TRMT2A: variants seen among roughly 807,000 people sequenced by gnomAD.
TRMT2A encodes tRNA (uracil-5-)-methyltransferase homolog A.
TRMT2A carries 60 observed loss-of-function variants against 59.3 expected under a neutral mutation model. That is an observed-to-expected ratio of 1.01 (90% CI 0.82 to 1.26). The LOEUF (loss-of-function observed/expected upper bound fraction) is 1.26, where lower values mean the gene tolerates loss of function less well. Among genes scored for constraint, TRMT2A ranks in the 50% most tolerant of loss-of-function variants. The pLI, the probability that TRMT2A is intolerant of heterozygous loss-of-function variation, is 0.00. For synonymous variants in TRMT2A, 403 were observed against 353.7 expected (o/e 1.14, Z -1.56); for missense variants, 863 against 845.2 (o/e 1.02, Z -0.26).
intron 1 of TRMT2A, 28 bp downstream of exon 1, chr22:20,116,855 C>T: frequency 6.3e-7 from 1 of 1,575,284 alleles, no homozygotes; most frequent in Non-Finnish European, 8.7e-7. Flanking sequence ...CCATCCCCGT[C>T]TCTACCCAGC....
intron 8 of TRMT2A, 61 bp downstream of exon 8, chr22:20,113,625 T>TGGGGTCAATG: frequency 6.3e-7 from 1 of 1,593,706 alleles, no homozygotes; most frequent in South Asian, 1.1e-5. Flanking sequence ...GACTTTGAGC[T>TGGGGTCAATG]GGGGTCAATG....
In TRMT2A at chr22:20,116,464, C is replaced by T. The variant is rs546787316; in HGVS notation, c.173G>A (p.Gly58Glu). The T allele has an allele frequency of 1.2e-6, 2 of 1,612,906 alleles. No individual in the cohort carries two copies. Among genetic ancestry groups the T allele is most frequent in the East Asian group, 2.2e-5 (1 of 44,880 alleles). The stretch of plus-strand genomic sequence containing the variant: ...GTCATCCCTGATGTAGCTGTAGAGC[C>T]CGGGCTGAGGCCCCGGCCCTGTAGC... ...GAATGPGPQP[G>E]LYSYIRDDLF... Residue 58 changes from glycine (G) to glutamate (E), a missense_variant, in exon 2 of 12, where the codon GGG becomes GAG. Gly to Glu is a moderately conservative substitution (Grantham distance 98, BLOSUM62 -2). Coordinates refer to ENST00000252136, the MANE Select transcript of TRMT2A (RefSeq NM_022727.6).
Position 20,113,775 on chromosome 22 carries a change from C to CT in TRMT2A, c.1266dup (p.Val423SerfsTer56). The CT allele has an allele frequency of 6.2e-7, 1 of 1,603,258 alleles. No individual in the cohort carries two copies. The highest frequency in any genetic ancestry group is 8.5e-7 in the Non-Finnish European group (1 of 1,174,112). ...TCCAATTGGGCCCAGTCCTGGATGA[C>CT]TGTGTAGAGCACCTCGGCTGCGGGT... On this transcript the variant is annotated frameshift_variant, in exon 8 of 12. Coordinates refer to ENST00000252136, the MANE Select transcript of TRMT2A (RefSeq NM_022727.6). LOFTEE classifies it high-confidence loss of function.
At position 20,116,908 on chromosome 22, in the gene TRMT2A, G is replaced by T. The variant is rs1048657704; in HGVS notation, c.-2C>A. ...CTCGTTGTCGAGGTTCTCACTCATC[G>T]CCCAGGCGGTTCTCCGCCTAGACCA... On this transcript the variant is annotated 5_prime_UTR_variant, in exon 1 of 12. Transcript: ENST00000252136. 14 of 1,597,500 alleles carry T rather than the reference G, an allele frequency of 8.8e-6. No individual in the cohort carries two copies. The highest frequency in any genetic ancestry group is 1.2e-5 in the Non-Finnish European group (14 of 1,173,134).
In TRMT2A at chr22:20,115,064, C is replaced by T. The variant is rs144859334; in HGVS notation, c.906G>A (p.Ser302=). 5.9e-5 allele frequency: 94 copies of T among 1,592,382 alleles called. No homozygotes were observed. The highest frequency in any genetic ancestry group is 8.0e-5 in the African/African-American group (6 of 74,784). ...CTGTGTACGTCTCTGGGTCGTATGCCGAGTATGGAGTGGACCTGTGGGAAT... is the reference window on the plus strand; with the variant it reads ...CTGTGTACGTCTCTGGGTCGTATGCTGAGTATGGAGTGGACCTGTGGGAAT... ...FQEFIRSTPY[S]AYDPETYTGH... is the part of the protein sequence containing the mutation. The change falls in exon 5 of 12, where the codon TCG becomes TCA. Residue 302 remains serine (S), a synonymous_variant. Coordinates refer to ENST00000252136, the MANE Select transcript of TRMT2A (RefSeq NM_022727.6).
Position 20,116,555 on chromosome 22 carries a change from TA to T in TRMT2A, c.81del (p.Thr28ProfsTer87). ...GGGGCTGCAGGGGGCACCGAGACGG[TA>T]GGGCAGCTCAGGGCACTGCTGCTCT... ...GQESSSALSCPTVSVPPAAPA... is the reference protein window; with the variant it reads ...GQESSSALSCXTVSVPPAAPA... On this transcript the variant is annotated frameshift_variant, in exon 2 of 12. Transcript: ENST00000252136. LOFTEE classifies it high-confidence loss of function. 6.3e-7 allele frequency: 1 copy of T among 1,592,086 alleles called. No individual in the cohort carries two copies.
chr22:20,112,823 T>G (rs770744394), intron 11 of TRMT2A, 29 bp from the exon 12 acceptor site: 25 of 1,612,582 alleles, frequency 1.6e-5, no homozygotes, highest in Non-Finnish European at 1.0e-5. Context: ...GGCGCTAAGG[T>G]CAGCCGATAG....
chr22:20,116,656 GGGGGCCT>G, intron 1 of TRMT2A, 44 bp from the exon 2 acceptor site: 1 of 1,509,608 alleles, frequency 6.6e-7, no homozygotes, highest in Non-Finnish European at 8.8e-7. Flanking sequence ...ACTAGGCCCT[GGGGGCCT>G]GGCCCCCCAA....
At position 20,113,412 on chromosome 22, in the gene TRMT2A, C is replaced by CCCCCCGCCCTG; in HGVS notation, c.1432+19_1432+20insCAGGGCGGGGG. 1 of 1,587,690 alleles carries CCCCCCGCCCTG rather than the reference C, an allele frequency of 6.3e-7. No individual in the cohort carries two copies. Among genetic ancestry groups the CCCCCCGCCCTG allele is most frequent in the Non-Finnish European group, 8.6e-7 (1 of 1,164,592 alleles). On this transcript the variant is annotated intron_variant, in intron 9 of 11. Coordinates refer to ENST00000252136, the MANE Select transcript of TRMT2A (RefSeq NM_022727.6). The stretch of plus-strand genomic sequence containing the variant: ...GCGGCTGCCCCCATCCCCACCCCCA[C>CCCCCCGCCCTG]CCACGGCCTTGCCACTCACCATTGT...
Position 20,112,689 on chromosome 22 carries a change from G to A in TRMT2A, c.1752C>T (p.Ile584=), listed in dbSNP as rs1211356834. ...TGGGGTGCTCCACCCTCTCAAACAG[G>A]ATGAGCATCTCACAGTGCGGGGTCT... ...FPQTPHCEML[I]LFERVEHPNG... The change falls in exon 12 of 12, where the codon ATC becomes ATT. Residue 584 remains isoleucine, a synonymous_variant. Transcript: ENST00000252136. 6.2e-7 allele frequency: 1 copy of A among 1,614,088 alleles called. No individual in the cohort carries two copies. The highest frequency in any genetic ancestry group is 1.1e-5 in the South Asian group (1 of 91,088).
intron 2 of TRMT2A, 24 bp from the exon 3 acceptor site, chr22:20,115,804 T>A (rs761425088): frequency 3.1e-6 from 5 of 1,592,404 alleles, no homozygotes; most frequent in South Asian, 1.1e-5. Flanking sequence ...AGATCGGTGG[T>A]TGGACTCCAC....
At position 20,116,349 on chromosome 22, in the gene TRMT2A, A is replaced by G; in HGVS notation, c.288T>C (p.Phe96=). ...GTTTGGTTTTGTGGGGCTGCAGACC[A>G]AAGCGGCCCAGGAAGCGCCGGACGT... ...FSDVRRFLGR[F]GLQPHKTKLF... Residue 96 remains phenylalanine, a synonymous_variant, in exon 2 of 12, where the codon TTT becomes TTC. Coordinates refer to ENST00000252136, the MANE Select transcript of TRMT2A (RefSeq NM_022727.6). 1 of 1,612,952 alleles carries G rather than the reference A, an allele frequency of 6.2e-7. No individual in the cohort carries two copies. The highest frequency in any genetic ancestry group is 1.3e-5 in the African/African-American group (1 of 75,074).
rs752310225 is a variant in TRMT2A at position 20,112,698 on chromosome 22, C to T, written c.1743G>A (p.Glu581=). ...VDLFPQTPHC[E]MLILFERVEH... ...CCACCCTCTCAAACAGGATGAGCAT[C>T]TCACAGTGCGGGGTCTGCGGGAACA... Residue 581 remains glutamate (E), a synonymous_variant, in exon 12 of 12, where the codon GAG becomes GAA. Coordinates refer to ENST00000252136, the MANE Select transcript of TRMT2A (RefSeq NM_022727.6). 3.6e-5 allele frequency: 58 copies of T among 1,613,938 alleles called. No individual in the cohort carries two copies. The highest frequency in any genetic ancestry group is 4.8e-5 in the Non-Finnish European group (57 of 1,180,036).
chr22:20,113,061 T>C (rs1344172541), intron 10 of TRMT2A, 54 bp from the exon 11 acceptor site: 9 of 1,609,794 alleles, frequency 5.6e-6, no homozygotes, highest in Admixed American at 1.7e-5. Flanking sequence ...CATAACATGG[T>C]GAGCCACCCC....
rs1568974368 is a variant in TRMT2A, at chr22:20,116,122, A to ACCACGTCGG, written c.506_514dup (p.Ala169_Val171dup). On this transcript the variant is annotated inframe_insertion, in exon 2 of 12. Coordinates refer to ENST00000252136, the MANE Select transcript of TRMT2A (RefSeq NM_022727.6). Reference sequence around the variant, plus strand: ...ATAGGGCACTGTCCATAGAGGGGTCACCACGTCGGCCACTCGTGTTACTGG... The same window carrying ACCACGTCGG: ...ATAGGGCACTGTCCATAGAGGGGTCACCACGTCGGCCACGTCGGCCACTCGTGTTACTGG... The ACCACGTCGG allele has an allele frequency of 1.2e-6, 2 of 1,612,616 alleles. No individual in the cohort carries two copies. The highest frequency in any genetic ancestry group is 3.3e-5 in the Admixed American group (2 of 60,000).
At chr22:20,113,310 C>G in intron 9 of TRMT2A, 76 bp from the exon 10 acceptor site, 1 of 1,508,644 alleles carries the variant, frequency 6.6e-7, no homozygotes, top group Non-Finnish European at 8.9e-7. Flanking sequence ...AACCCCTAGC[C>G]AAAGAGCTTG....
intron 9 of TRMT2A, 32 bp downstream of exon 9, chr22:20,113,400 T>TCC: frequency 4.8e-6 from 5 of 1,049,428 alleles, no homozygotes; most frequent in Non-Finnish European, 7.2e-6. Context: ...GCTGCCCCCA[T>TCC]CCCCACCCCC....
In TRMT2A at chr22:20,116,245, C is replaced by T; in HGVS notation, c.392G>A (p.Gly131Asp). Residue 131 changes from glycine (G) to aspartate (D), a missense_variant, in exon 2 of 12, where the codon GGT (glycine) becomes GAT (aspartate). Transcript: ENST00000252136. Reference sequence around the variant, plus strand: ...GAGTGGGCGGCCTTTCCAGAGGGCACCATGCAAAACGCGCAGGGCCTTGTC... The same window carrying T: ...GAGTGGGCGGCCTTTCCAGAGGGCATCATGCAAAACGCGCAGGGCCTTGTC... ...ERDKALRVLH[G>D]ALWKGRPLSV... The T allele has an allele frequency of 1.9e-6, 3 of 1,612,964 alleles. No individual in the cohort carries two copies. Among genetic ancestry groups the T allele is most frequent in the Non-Finnish European group, 2.5e-6 (3 of 1,180,030 alleles).
rs778646999 is a variant in TRMT2A, at chr22:20,112,515, GGGGCCCTGGGAGCCCTTCA to G, written c.*29_*47del. ...AGCAAGCCATGCCTTCCCCGCCCCT[GGGGCCCTGGGAGCCCTTCA>G]GCTCCTGTCCCCATAATGGGTCCTG... On this transcript the variant is annotated 3_prime_UTR_variant, in exon 12 of 12. Coordinates refer to ENST00000252136, the MANE Select transcript of TRMT2A (RefSeq NM_022727.6). 3.8e-6 allele frequency: 6 copies of G among 1,581,636 alleles called. No homozygotes were observed. In the East Asian group the frequency reaches 1.4e-4, roughly 36 times the overall value.
Sources: gnomAD v4.1 joint callset for allele counts on GRCh38, gnomAD v4.1.1 for gene constraint, MANE v1.5 for transcripts, NCBI Gene and HGNC (gene_info 2026-07-23, HGNC 2026-07-21) for gene names.